Variants in BCAS3 observed in about 807,000 individuals in gnomAD.
BCAS3 encodes the protein BCAS4/BCAS3 fusion.
In BCAS3, 53 loss-of-function variants were observed where a neutral mutation model predicts 116.1. The observed-to-expected ratio is 0.46, with a 90% confidence interval of 0.37 to 0.57. BCAS3 has a LOEUF of 0.57. Among genes scored for constraint, BCAS3 ranks in the 20% least tolerant of loss-of-function variants. The pLI, the probability that BCAS3 is intolerant of heterozygous loss-of-function variation, is 0.00. For synonymous variants in BCAS3, 391 were observed against 408.2 expected, an observed-to-expected ratio of 0.96 and a Z score of 0.51; for missense variants, 917 against 1,165.4, an observed-to-expected ratio of 0.79 and a Z score of 3.10.
rs1208807732 is a variant in BCAS3, at chr17:61,248,595, G to A, written c.2426-119732G>A. The stretch of plus-strand genomic sequence containing the variant: ...TGTCTGGTTTGTGCTTCCTCAGCAG[G>A]GAGGAAGTAGCAGTGACCTCAGTCC... On this transcript the variant is annotated intron_variant, in intron 22 of 23. Transcript: ENST00000407086. The surrounding 1 kb of genome is among the most constrained non-coding windows in gnomAD (Gnocchi z 4.3). Among the ~76,000 whole-genome samples, 1 of 152,150 alleles carries A rather than the reference G, an allele frequency of 6.6e-6. No individual in the cohort carries two copies. Among genetic ancestry groups the A allele is most frequent in the East Asian group, 1.9e-4 (1 of 5,188 alleles).
chr17:60,996,111 T>C (rs143969479), intron 15 of BCAS3, among the ~76,000 whole-genome samples: 1 of 152,088 alleles, frequency 6.6e-6, no homozygotes, highest in East Asian at 1.9e-4. Flanking sequence ...GGAGAGGTAA[T>C]GAGGGCAGAT....
chr17:60,775,172 A>G (rs1458878752), intron 6 of BCAS3, among the ~76,000 whole-genome samples: 2 of 152,222 alleles, frequency 1.3e-5, no homozygotes, highest in Non-Finnish European at 1.5e-5. Flanking sequence ...TGCAGGCATT[A>G]TAGAGAAATT....
At position 61,309,184 on chromosome 17, in the gene BCAS3, G is replaced by A. The variant is rs9898258; in HGVS notation, c.2426-59143G>A. 0.012 allele frequency among the ~76,000 whole-genome samples: 1,851 copies of A among 152,302 alleles called. 27 individuals carry two copies. The highest frequency in any genetic ancestry group is 0.042 in the African/African-American group (1,749 of 41,544). The stretch of plus-strand genomic sequence containing the variant: ...GGTTTAGTGACAGGGAAAAAAGAAC[G>A]TTAGCTCATGTGAGGATACGTATAA... On this transcript the variant is annotated intron_variant, in intron 22 of 23. Transcript: ENST00000407086. This position sits in a 1 kb window ranked among gnomAD's most constrained non-coding sequence, Gnocchi z 4.6.
chr17:61,237,457 A>T (rs552221160), intron 22 of BCAS3, among the ~76,000 whole-genome samples: 1 of 152,250 alleles, frequency 6.6e-6, no homozygotes, highest in Non-Finnish European at 1.5e-5. Flanking sequence ...CCCCGCCAGC[A>T]GCGGCAACCC....
At position 61,091,196 on chromosome 17, in the gene BCAS3, T is replaced by C. The variant is rs2073534413; in HGVS notation, c.2425+6632T>C. On this transcript the variant is annotated intron_variant, in intron 22 of 23. Coordinates refer to ENST00000407086, the MANE Select transcript of BCAS3 (RefSeq NM_017679.5). ...TTCTATATTGCAAGCATCAGGTCCT[T>C]GACATGGCTTTAAATCTTTCCTAAG... Among the ~76,000 whole-genome samples the C allele has an allele frequency of 2.0e-5, 3 of 152,228 alleles. No individual in the cohort carries two copies. In the South Asian group the frequency reaches 6.2e-4, roughly 32 times the overall value.
At chr17:61,054,189 A>G (rs2069145301) in intron 19 of BCAS3, among the ~76,000 whole-genome samples, 1 of 152,176 alleles carries the variant, frequency 6.6e-6, no homozygotes, top group Non-Finnish European at 1.5e-5. Context: ...GAGTTCATTG[A>G]GTTTTTCTGT....
intron 22 of BCAS3, among the ~76,000 whole-genome samples, chr17:61,194,149 G>T (rs1332589699): frequency 3.3e-5 from 5 of 152,132 alleles, no homozygotes; most frequent in Non-Finnish European, 4.4e-5. Context: ...GCAGGGAGGG[G>T]AGGGGAGAGG....
chr17:61,189,934 G>T lies in BCAS3; in HGVS notation c.2425+105370G>T, dbSNP rs976094089. Among the ~76,000 whole-genome samples the T allele has an allele frequency of 2.0e-5, 3 of 152,080 alleles. No individual in the cohort carries two copies. The highest frequency in any genetic ancestry group is 2.9e-5 in the Non-Finnish European group (2 of 68,012). On this transcript the variant is annotated intron_variant, in intron 22 of 23. Coordinates refer to ENST00000407086, the MANE Select transcript of BCAS3 (RefSeq NM_017679.5). The surrounding 1 kb of genome is among the most constrained non-coding windows in gnomAD (Gnocchi z 4.5). ...AGTATGCAGAGTGAGAAAAATCGTGGGTCTAAGGACATGCCCTGAAAATCA... is the reference window on the plus strand; with the variant it reads ...AGTATGCAGAGTGAGAAAAATCGTGTGTCTAAGGACATGCCCTGAAAATCA...
chr17:60,886,874 T>C (rs1233942089), intron 9 of BCAS3: 1 of 150,966 alleles, frequency 6.6e-6, no homozygotes, highest in East Asian at 2.0e-4. Flanking sequence ...CATTTAAGTC[T>C]GCAGAGGTTA....
In BCAS3 at chr17:61,219,424, A is replaced by G. The variant is rs952039643; in HGVS notation, c.2425+134860A>G. On this transcript the variant is annotated intron_variant, in intron 22 of 23. Transcript: ENST00000407086. The surrounding 1 kb of genome is among the most constrained non-coding windows in gnomAD (Gnocchi z 5.2). ...TTCCTTTCTCACAGGTGGCCCATTG[A>G]CTTGGTCTCTGTGTGCCCATATTAC... 1.3e-5 allele frequency among the ~76,000 whole-genome samples: 2 copies of G among 152,154 alleles called. No homozygotes were observed. The highest frequency in any genetic ancestry group is 4.8e-5 in the African/African-American group (2 of 41,434).
At chr17:61,283,174 C>T (rs2051388323) in intron 22 of BCAS3, among the ~76,000 whole-genome samples, 1 of 151,836 alleles carries the variant, frequency 6.6e-6, no homozygotes. Context: ...GAGATTTTAC[C>T]GTTTTATTTA....
At chr17:60,989,939 C>T (rs944121820) in intron 14 of BCAS3, 32 bp from the exon 15 acceptor site, 1 of 1,598,786 alleles carries the variant, frequency 6.3e-7, no homozygotes, top group Non-Finnish European at 8.6e-7. Context: ...TAGTTTGAGA[C>T]ATTTTTGTAT....
chr17:61,193,182 A>G (rs1013959238), intron 22 of BCAS3, among the ~76,000 whole-genome samples: 1 of 152,122 alleles, frequency 6.6e-6, no homozygotes, highest in African/African-American at 2.4e-5. Context: ...GAATCACTTG[A>G]ACCCAGAAGG....
intron 2 of BCAS3, among the ~76,000 whole-genome samples, 170 bp downstream of exon 2, chr17:60,679,710 G>C (rs2143783880): frequency 6.6e-6 from 1 of 152,336 alleles, no homozygotes; most frequent in East Asian, 1.9e-4. Context: ...GGAGAGTTAA[G>C]TTGACGTATT....
chr17:61,109,974 G>A (rs545381467), intron 22 of BCAS3, among the ~76,000 whole-genome samples: 2 of 152,238 alleles, frequency 1.3e-5, no homozygotes, highest in South Asian at 4.2e-4. Flanking sequence ...CTTTGTTTTT[G>A]TTGCATTTGC....
rs1387062914 is a variant in BCAS3, at chr17:61,243,828, C to G, written c.2426-124499C>G. ...AAGAGTTGGAATCTGCTCTGTCAACCAGGCTGGAGTGCGCTGGTATGACCA... is the reference window on the plus strand; with the variant it reads ...AAGAGTTGGAATCTGCTCTGTCAACGAGGCTGGAGTGCGCTGGTATGACCA... On this transcript the variant is annotated intron_variant, in intron 22 of 23. Transcript: ENST00000407086. The surrounding 1 kb of genome is among the most constrained non-coding windows in gnomAD (Gnocchi z 5.6). Among the ~76,000 whole-genome samples, 2 of 152,190 alleles carry G rather than the reference C, an allele frequency of 1.3e-5. No homozygotes were observed. The highest frequency in any genetic ancestry group is 1.3e-4 in the Admixed American group (2 of 15,276).
chr17:61,354,629 C>G lies in BCAS3; in HGVS notation c.2426-13698C>G, dbSNP rs1376529293. The G allele has an allele frequency of 3.3e-5, 5 of 152,230 alleles. No individual in the cohort carries two copies. Among genetic ancestry groups the G allele is most frequent in the African/African-American group, 9.7e-5 (4 of 41,442 alleles). 9.4% of individuals were successfully genotyped at this position (152,230 alleles called of 1,614,324 possible). A position where few individuals can be genotyped will look rare whatever the true frequency, so the allele number is the denominator to read the frequency against. ...GGGATTCTGTAATGTACCTTGCCCC[C>G]AGTCAGGATGGGAGGCCAGGCCCAG... On this transcript the variant is annotated intron_variant, in intron 22 of 23. Coordinates refer to ENST00000407086, the MANE Select transcript of BCAS3 (RefSeq NM_017679.5). This position sits in a 1 kb window ranked among gnomAD's most constrained non-coding sequence, Gnocchi z 4.5.
chr17:61,046,082 T>TTA (rs1555685837), intron 19 of BCAS3, among the ~76,000 whole-genome samples: 15 of 32,956 alleles, frequency 4.6e-4, no homozygotes, highest in East Asian at 9.1e-4. Flanking sequence ...ATATATATAT[T>TTA]TATATATATA....
chr17:60,886,808 A>G (rs2056688511), intron 9 of BCAS3, among the ~76,000 whole-genome samples: 1 of 152,086 alleles, frequency 6.6e-6, no homozygotes, highest in Non-Finnish European at 1.5e-5. Flanking sequence ...CGGTTCTCAG[A>G]TCTCCAGCTG....
Sources: allele counts gnomAD v4.1 joint callset (sites outside exome capture counted in the v4.1 genomes callset), GRCh38; gene constraint gnomAD v4.1.1; non-coding constraint Gnocchi (gnomAD v3.1); transcripts MANE v1.5; gene names NCBI Gene and HGNC (gene_info 2026-07-23, HGNC 2026-07-21).